Variants in GBE1 observed in about 807,000 individuals in gnomAD.
GBE1 encodes 1,4-alpha-glucan-branching enzyme.
In GBE1, 70 loss-of-function variants were observed where a neutral mutation model predicts 88.8. That is an observed-to-expected ratio of 0.79 (90% CI 0.65 to 0.96). GBE1 has a LOEUF of 0.96. Ranked by LOEUF, GBE1 falls within the 40% of genes least tolerant of loss-of-function variation. The probability of loss-of-function intolerance (pLI) is 0.00; values close to 1 mark genes in which losing one functional copy is unlikely to be tolerated. For missense variants in GBE1, 872 were observed against 871.0 expected (o/e 1.00, Z -0.01); for synonymous variants, 284 against 300.1 (o/e 0.95, Z 0.56).
chr3:81,490,333 T>C lies in GBE1; in HGVS notation c.*74A>G. On this transcript the variant is annotated 3_prime_UTR_variant, in exon 16 of 16. Coordinates refer to ENST00000429644, the MANE Select transcript of GBE1 (RefSeq NM_000158.4). ...ACTGTATTCTGAAAAGCATACATGT[T>C]ATAAGCTGTGTGACAGTGATAACAA... 8.3e-7 allele frequency: 1 copy of C among 1,206,980 alleles called. No homozygotes were observed. The highest frequency in any genetic ancestry group is 1.2e-6 in the Non-Finnish European group (1 of 809,390). The allele number at this position is 1,206,980 out of a possible 1,614,324, so 74.8% of individuals were successfully genotyped here.
intron 2 of GBE1, among the ~76,000 whole-genome samples, chr3:81,694,059 G>A (rs1335893328): frequency 6.6e-6 from 1 of 151,986 alleles, no homozygotes; most frequent in East Asian, 1.9e-4. Context: ...TTTTCCCTAA[G>A]AACTCAGAGC....
In GBE1 at chr3:81,539,694, G is replaced by A. The variant is rs1003942491; in HGVS notation, c.1619-2599C>T. 1.3e-5 allele frequency among the ~76,000 whole-genome samples: 2 copies of A among 151,976 alleles called. 1 individual carries two copies. The highest frequency in any genetic ancestry group is 1.3e-4 in the Admixed American group (2 of 15,200). On this transcript the variant is annotated intron_variant, in intron 12 of 15. Transcript: ENST00000429644. ...CAGACTGACTGAATGGCGACAGTGAGGAAAAGGAAAGTCGGAATGCAATTT... is the reference window on the plus strand; with the variant it reads ...CAGACTGACTGAATGGCGACAGTGAAGAAAAGGAAAGTCGGAATGCAATTT...
chr3:81,624,570 T>C lies in GBE1; in HGVS notation c.992+18211A>G, dbSNP rs545100782. Among the ~76,000 whole-genome samples the C allele has an allele frequency of 7.9e-5, 12 of 152,302 alleles. No homozygotes were observed. The South Asian group carries it at 2.3e-3, about 29-fold the overall frequency. On this transcript the variant is annotated intron_variant, in intron 7 of 15. Coordinates refer to ENST00000429644, the MANE Select transcript of GBE1 (RefSeq NM_000158.4). ...CTATAAATTTTAGGTGTGTTGAGATTATGAATTTCTGAAAACCAAAATATT... is the reference window on the plus strand; with the variant it reads ...CTATAAATTTTAGGTGTGTTGAGATCATGAATTTCTGAAAACCAAAATATT...
intron 6 of GBE1, 85 bp from the exon 7 acceptor site, chr3:81,643,075 A>C (rs1421755380): frequency 4.7e-6 from 4 of 851,004 alleles, no homozygotes; most frequent in Non-Finnish European, 7.7e-6. Context: ...TCACCATCGC[A>C]GTACTAGATA....
chr3:81,732,049 C>A (rs1185638404), intron 1 of GBE1, among the ~76,000 whole-genome samples: 1 of 152,102 alleles, frequency 6.6e-6, no homozygotes, highest in African/African-American at 2.4e-5. Context: ...AAACTTCAGA[C>A]AATGATTACA....
intron 14 of GBE1, among the ~76,000 whole-genome samples, chr3:81,528,522 A>C (rs1386060660): frequency 6.6e-6 from 1 of 152,064 alleles, no homozygotes; most frequent in Non-Finnish European, 1.5e-5. Context: ...ATTACATCTC[A>C]GGTTTCTTTG....
chr3:81,657,113 G>A (rs151058817), intron 3 of GBE1, among the ~76,000 whole-genome samples: 14 of 136,292 alleles, frequency 1.0e-4, no homozygotes, highest in African/African-American at 3.4e-4. Context: ...CCGAGACCAC[G>A]CCACTGCACT....
At chr3:81,756,588 G>A (rs1706605135) in intron 1 of GBE1, among the ~76,000 whole-genome samples, 1 of 152,202 alleles carries the variant, frequency 6.6e-6, no homozygotes, top group Non-Finnish European at 1.5e-5. Flanking sequence ...TATTACAGTG[G>A]ATGAGCATGC....
Position 81,594,188 on chromosome 3 carries a change from T to C in GBE1, c.993-165A>G, listed in dbSNP as rs1703921143. ...GTCACAAAACTAACAAGAATCTCAG[T>C]TGGTTGATGAAACTCATTCTAAAAG... On this transcript the variant is annotated intron_variant, in intron 7 of 15. Coordinates refer to ENST00000429644, the MANE Select transcript of GBE1 (RefSeq NM_000158.4). Among the ~76,000 whole-genome samples the C allele has an allele frequency of 2.6e-5, 4 of 152,108 alleles. No homozygotes were observed. The South Asian group carries it at 8.3e-4, about 31-fold the overall frequency.
chr3:81,645,203 T>C (rs1001251673), intron 6 of GBE1, among the ~76,000 whole-genome samples: 4 of 152,168 alleles, frequency 2.6e-5, no homozygotes, highest in East Asian at 1.9e-4. Flanking sequence ...GAATATTTCA[T>C]ACAGATGAAG....
chr3:81,691,537 G>T (rs1030425457), intron 2 of GBE1, among the ~76,000 whole-genome samples: 1 of 152,152 alleles, frequency 6.6e-6, no homozygotes, highest in African/African-American at 2.4e-5. Flanking sequence ...GAGGCAGGAG[G>T]AGGCCTTGGA....
chr3:81,504,736 T>C (rs921297354), intron 14 of GBE1, among the ~76,000 whole-genome samples: 3 of 152,162 alleles, frequency 2.0e-5, no homozygotes, highest in African/African-American at 2.4e-5. Flanking sequence ...TAAAGAACAG[T>C]GAAGGCATGA....
chr3:81,670,438 C>A (rs534098548), intron 3 of GBE1, among the ~76,000 whole-genome samples: 82 of 152,266 alleles, frequency 5.4e-4, no homozygotes, highest in South Asian at 2.3e-3. Context: ...AACACAGCAT[C>A]CCCTCCCACA....
chr3:81,632,465 A>C lies in GBE1; in HGVS notation c.992+10316T>G, dbSNP rs186918517. On this transcript the variant is annotated intron_variant, in intron 7 of 15. Coordinates refer to ENST00000429644, the MANE Select transcript of GBE1 (RefSeq NM_000158.4). ...AACAAAGATGAAAAAAAAGCTCATCATCACTGGTCATTAGAGAAATGCAAA... is the reference window on the plus strand; with the variant it reads ...AACAAAGATGAAAAAAAAGCTCATCCTCACTGGTCATTAGAGAAATGCAAA... Among the ~76,000 whole-genome samples, 10 of 152,332 alleles carry C rather than the reference A, an allele frequency of 6.6e-5. No homozygotes were observed. In the East Asian group the frequency reaches 1.9e-3, roughly 29 times the overall value.
intron 3 of GBE1, among the ~76,000 whole-genome samples, chr3:81,659,458 C>A (rs1017146149): frequency 4.0e-5 from 6 of 151,594 alleles, no homozygotes; most frequent in Non-Finnish European, 7.4e-5. Context: ...GTCTCAGCCT[C>A]CCAAGTAGCT....
chr3:81,704,776 C>G (rs1256727395), intron 2 of GBE1, among the ~76,000 whole-genome samples: 1 of 152,036 alleles, frequency 6.6e-6, no homozygotes, highest in Non-Finnish European at 1.5e-5. Flanking sequence ...ATTTACCCTT[C>G]AAGAATAAAA....
Position 81,696,242 on chromosome 3 carries a change from C to T in GBE1, c.313+9202G>A, listed in dbSNP as rs190358910. Among the ~76,000 whole-genome samples the T allele has an allele frequency of 9.2e-4, 140 of 152,268 alleles. 1 individual carries two copies. The highest frequency in any genetic ancestry group is 1.6e-3 in the Non-Finnish European group (108 of 68,012). On this transcript the variant is annotated intron_variant, in intron 2 of 15. Transcript: ENST00000429644. ...AGACTAATCAGTGAATTCCAATTCA[C>T]CTGCATGAAACAACTGCTTGGATGA...
chr3:81,580,725 G>C (rs1169194707), intron 11 of GBE1, among the ~76,000 whole-genome samples: 2 of 151,976 alleles, frequency 1.3e-5, no homozygotes, highest in Non-Finnish European at 2.9e-5. Flanking sequence ...GGGTCAGGGA[G>C]GTCAATTAGC....
At chr3:81,625,508 A>C (rs1361319239) in intron 7 of GBE1, among the ~76,000 whole-genome samples, 7 of 152,010 alleles carry the variant, frequency 4.6e-5, no homozygotes, top group Non-Finnish European at 1.0e-4. Flanking sequence ...GCATGATCAT[A>C]GCTCACTGCA....
Sources: gnomAD v4.1 joint callset for allele counts (sites outside exome capture counted in the v4.1 genomes callset) on GRCh38, gnomAD v4.1.1 for gene constraint, MANE v1.5 for transcripts, NCBI Gene and HGNC (gene_info 2026-07-23, HGNC 2026-07-21) for gene names.